Variants in CACNA2D3 observed in about 807,000 individuals in gnomAD.
CACNA2D3 encodes calcium voltage-gated channel auxiliary subunit alpha2delta 3, also known as voltage-dependent calcium channel subunit alpha-2/delta-3.
Under a neutral mutation model 160.6 loss-of-function variants are expected in CACNA2D3, and 60 were observed. The observed-to-expected ratio is 0.37, with a 90% CI of 0.30 to 0.46. CACNA2D3 has a LOEUF of 0.46. CACNA2D3 is among the 20% of genes least tolerant of loss of function. The pLI, the probability that CACNA2D3 is intolerant of heterozygous loss-of-function variation, is 1.00. For synonymous variants in CACNA2D3, 558 were observed against 492.9 expected (o/e 1.13, Z -1.75); for missense variants, 1,205 against 1,365.0 (o/e 0.88, Z 1.85).
At chr3:54,646,198 C>CTTG (rs1575403717) in intron 11 of CACNA2D3, among the ~76,000 whole-genome samples, 2 of 16,634 alleles carry the variant, frequency 1.2e-4, no homozygotes, top group East Asian at 1.0e-3. Context: ...TTCCTTGCTT[C>CTTG]CTTCCTTCCT....
In CACNA2D3 at chr3:54,373,356, C is replaced by T. The variant is rs75915487; in HGVS notation, c.322-13359C>T. ...CTTGGTCTTATTACACAGGGTCCTT[C>T]AGAAGTCGAGTGACTCAGGTCATTT... On this transcript the variant is annotated intron_variant, in intron 3 of 37. Transcript: ENST00000474759. 4.0e-3 allele frequency among the ~76,000 whole-genome samples: 605 copies of T among 152,290 alleles called. 19 individuals carry two copies. The East Asian group carries it at 0.075, about 19-fold the overall frequency.
chr3:54,526,207 G>A (rs1167652369), intron 5 of CACNA2D3, among the ~76,000 whole-genome samples: 1 of 151,882 alleles, frequency 6.6e-6, no homozygotes, highest in East Asian at 1.9e-4. Flanking sequence ...TTCTCTATTT[G>A]ATGTGATGTC....
chr3:54,676,916 T>C (rs903354009), intron 11 of CACNA2D3, among the ~76,000 whole-genome samples: 2 of 152,198 alleles, frequency 1.3e-5, no homozygotes, highest in South Asian at 2.1e-4. Context: ...TGGCACCAAG[T>C]AGGGAGTCAG....
At chr3:54,175,009 G>A (rs548909368) in intron 2 of CACNA2D3, among the ~76,000 whole-genome samples, 21 of 152,274 alleles carry the variant, frequency 1.4e-4, no homozygotes, top group African/African-American at 5.1e-4. Flanking sequence ...GGGTTTTGAA[G>A]TGAGGCACGG....
intron 2 of CACNA2D3, among the ~76,000 whole-genome samples, chr3:54,130,164 C>T (rs759264559): frequency 1.3e-5 from 2 of 152,212 alleles, no homozygotes; most frequent in African/African-American, 2.4e-5. Context: ...AGACCAACTG[C>T]GGGGCCCTGG....
chr3:54,581,027 A>G (rs1446297542), intron 8 of CACNA2D3, among the ~76,000 whole-genome samples: 1 of 152,230 alleles, frequency 6.6e-6, no homozygotes, highest in Non-Finnish European at 1.5e-5. Context: ...CCAAGGGTCC[A>G]GAGCCTCACA....
chr3:54,841,778 C>G (rs547361059), intron 16 of CACNA2D3, among the ~76,000 whole-genome samples: 1 of 152,204 alleles, frequency 6.6e-6, no homozygotes, highest in South Asian at 2.1e-4. Context: ...GTTAACATAA[C>G]GAGCCATTTT....
chr3:54,595,320 GTGTGT>G (rs1559521716), intron 9 of CACNA2D3, among the ~76,000 whole-genome samples: 3 of 115,446 alleles, frequency 2.6e-5, no homozygotes, highest in Non-Finnish European at 5.2e-5. Flanking sequence ...TGTGGTGTGT[GTGTGT>G]GTGTGTGTGT....
At chr3:54,763,449 C>G (rs985343223) in intron 12 of CACNA2D3, among the ~76,000 whole-genome samples, 2 of 151,886 alleles carry the variant, frequency 1.3e-5, no homozygotes, top group African/African-American at 2.4e-5. Flanking sequence ...TTAATCATAA[C>G]TATTATTGTT....
chr3:54,964,583 G>C (rs769587900), intron 27 of CACNA2D3, among the ~76,000 whole-genome samples: 30 of 152,264 alleles, frequency 2.0e-4, no homozygotes, highest in Middle Eastern at 3.4e-3. Context: ...TTCCATTTAG[G>C]TTATGTGGGG....
intron 4 of CACNA2D3, among the ~76,000 whole-genome samples, chr3:54,398,297 G>C (rs1257476914): frequency 1.3e-5 from 1 of 77,818 alleles, no homozygotes; most frequent in African/African-American, 5.1e-5. Flanking sequence ...TCTTTTAATT[G>C]CAGAATTTAG....
At chr3:54,172,348 C>T (rs1370128360) in intron 2 of CACNA2D3, among the ~76,000 whole-genome samples, 1 of 152,252 alleles carries the variant, frequency 6.6e-6, no homozygotes, top group Non-Finnish European at 1.5e-5. Context: ...AGCACTGCTG[C>T]AAGCTGCTTG....
chr3:54,991,715 C>A (rs969759626), intron 31 of CACNA2D3, among the ~76,000 whole-genome samples: 2,439 of 152,204 alleles, frequency 0.016, 51 homozygotes, highest in African/African-American at 0.055. Context: ...AAGAAGACTT[C>A]AGGTTGAGCA....
At chr3:54,587,344 G>A (rs1056773038) in intron 9 of CACNA2D3, among the ~76,000 whole-genome samples, 2 of 152,060 alleles carry the variant, frequency 1.3e-5, no homozygotes, top group African/African-American at 4.8e-5. Flanking sequence ...ATCACCTGAG[G>A]TCAGGAGTTG....
intron 5 of CACNA2D3, 31 bp downstream of exon 5, chr3:54,503,685 A>T: frequency 6.2e-7 from 1 of 1,603,484 alleles, no homozygotes; most frequent in Non-Finnish European, 8.5e-7. Context: ...TCCTTTTAGA[A>T]GGTGAAGAAT....
chr3:54,191,397 A>ACAACATCATCAT (rs1553749922), intron 2 of CACNA2D3, among the ~76,000 whole-genome samples: 5 of 149,902 alleles, frequency 3.3e-5, no homozygotes, highest in Admixed American at 6.7e-5. Context: ...TAAAACATCA[A>ACAACATCATCAT]CATCATCATC....
intron 14 of CACNA2D3, among the ~76,000 whole-genome samples, chr3:54,832,559 G>A (rs965749637): frequency 1.1e-4 from 17 of 152,244 alleles, no homozygotes; most frequent in South Asian, 2.1e-4. Context: ...TTTCTCCTGC[G>A]TTTGTTAGAC....
rs547174808 is a variant in CACNA2D3, at chr3:54,717,817, CGT to C, written c.1168-34774_1168-34773del. On this transcript the variant is annotated intron_variant, in intron 11 of 37. Transcript: ENST00000474759. Reference sequence around the variant, plus strand: ...TGGTGTGCGTGTGTGCGCATGTTTGCGTGTGTGTGGTGTGTGTGCGTGAGTGT... The same window carrying C: ...TGGTGTGCGTGTGTGCGCATGTTTGCGTGTGTGGTGTGTGTGCGTGAGTGT... 1.6e-3 allele frequency among the ~76,000 whole-genome samples: 173 copies of C among 105,216 alleles called. 1 individual carries two copies. Among genetic ancestry groups the C allele is most frequent in the South Asian group, 0.013 (38 of 2,980 alleles). 69.0% of individuals were successfully genotyped at this position (105,216 alleles called of 152,430 possible). A position where few individuals can be genotyped will look rare whatever the true frequency, so the allele number is the denominator to read the frequency against.
chr3:54,971,426 T>A (rs1044433308), intron 29 of CACNA2D3, among the ~76,000 whole-genome samples: 1 of 152,154 alleles, frequency 6.6e-6, no homozygotes, highest in African/African-American at 2.4e-5. Context: ...TAATTATGAA[T>A]CCCAGTTTTA....
Sources: allele counts gnomAD v4.1 joint callset (sites outside exome capture counted in the v4.1 genomes callset), GRCh38; gene constraint gnomAD v4.1.1; transcripts MANE v1.5; gene names NCBI Gene and HGNC (gene_info 2026-07-23, HGNC 2026-07-21).